Variants in ZNF536 observed in about 807,000 individuals in gnomAD.
ZNF536 encodes the protein zinc finger protein 536.
ZNF536 carries 13 observed loss-of-function variants against 84.5 expected under a neutral mutation model. That is an observed-to-expected ratio of 0.15 (90% CI 0.10 to 0.24). ZNF536 has a LOEUF of 0.24. Ranked by LOEUF, ZNF536 falls within the 10% of genes least tolerant of loss-of-function variation. ZNF536 has a pLI of 1.00. For synonymous variants in ZNF536, 811 were observed against 742.5 expected, an observed-to-expected ratio of 1.09 and a Z score of -1.50; for missense variants, 1,536 against 1,747.5, an observed-to-expected ratio of 0.88 and a Z score of 2.16.
intron 1 of ZNF536, among the ~76,000 whole-genome samples, chr19:30,622,656 T>C (rs1401375435): frequency 5.9e-5 from 9 of 152,248 alleles, no homozygotes; most frequent in African/African-American, 1.9e-4. Flanking sequence ...ATGCTTTTTA[T>C]ATATGTTGTT....
chr19:30,581,729 A>C (rs1483080137), intron 1 of ZNF536, among the ~76,000 whole-genome samples: 1 of 151,980 alleles, frequency 6.6e-6, no homozygotes, highest in African/African-American at 2.4e-5. Flanking sequence ...CGAGGTCAGG[A>C]GTTCAAGACC....
intron 1 of ZNF536, among the ~76,000 whole-genome samples, chr19:30,395,773 G>C (rs2049791077): frequency 6.6e-6 from 1 of 152,104 alleles, no homozygotes; most frequent in East Asian, 1.9e-4. Context: ...GCTTTGTTTT[G>C]AATATAAGAC....
chr19:30,526,380 G>A (rs142340154), intron 2 of ZNF536, among the ~76,000 whole-genome samples: 103 of 152,334 alleles, frequency 6.8e-4, no homozygotes, highest in African/African-American at 2.4e-3. Context: ...GAGACCCCAT[G>A]GGTGGCCTAA....
At chr19:30,660,610 CTTAA>C (rs747173150) in intron 1 of ZNF536, among the ~76,000 whole-genome samples, 41 of 152,330 alleles carry the variant, frequency 2.7e-4, no homozygotes, top group East Asian at 1.2e-3. Flanking sequence ...CTGAAGAGCA[CTTAA>C]TTGTTACTGA....
upstream of ZNF536, among the ~76,000 whole-genome samples, chr19:30,368,833 G>A (rs562520492): frequency 8.6e-4 from 131 of 152,292 alleles, 1 homozygote; most frequent in African/African-American, 2.0e-3. Flanking sequence ...CAGCTGCTCC[G>A]CTTGCTTGGT....
At chr19:30,647,204 CT>C (rs1267938480) in intron 1 of ZNF536, among the ~76,000 whole-genome samples, 1 of 152,198 alleles carries the variant, frequency 6.6e-6, no homozygotes, top group African/African-American at 2.4e-5. Context: ...TAAATCATAA[CT>C]TTCCCTATTT....
intron 1 of ZNF536, among the ~76,000 whole-genome samples, chr19:30,646,697 G>A (rs773261065): frequency 1.3e-5 from 2 of 152,136 alleles, no homozygotes; most frequent in East Asian, 1.9e-4. Flanking sequence ...TCGCAGTCTC[G>A]TAGTATTTGA....
intron 2 of ZNF536, among the ~76,000 whole-genome samples, chr19:30,481,067 G>A (rs919797553): frequency 6.6e-6 from 1 of 150,538 alleles, no homozygotes; most frequent in Non-Finnish European, 1.5e-5. Flanking sequence ...GGGCTTTTTA[G>A]CTGCCCTTAA....
At position 30,231,702 on chromosome 19, in the gene ZNF536, T is replaced by A. The variant is rs866265845; in HGVS notation, c.-190+3029T>A. Among the ~76,000 whole-genome samples, 5 of 152,278 alleles carry A rather than the reference T, an allele frequency of 3.3e-5. 1 individual carries two copies. In the Middle Eastern group the frequency reaches 0.017, roughly 518 times the overall value. On this transcript the variant is annotated intron_variant, in intron 1 of 5. Coordinates refer to the ZNF536 transcript ENST00000585628. The stretch of plus-strand genomic sequence containing the variant: ...TGCCGTGATGGTCCCCTTGGTGGCA[T>A]TGAACGTCCTTAGAGGAGTGAGCAG...
intron 2 of ZNF536, among the ~76,000 whole-genome samples, chr19:30,352,195 G>A (rs1446735621): frequency 2.0e-5 from 3 of 152,176 alleles, no homozygotes; most frequent in Admixed American, 6.5e-5. Flanking sequence ...CTTGTCTACA[G>A]CACGTCACCG....
chr19:30,572,722 G>T (rs1054251619), intron 1 of ZNF536, among the ~76,000 whole-genome samples: 3 of 152,134 alleles, frequency 2.0e-5, no homozygotes, highest in African/African-American at 7.2e-5. Flanking sequence ...TTCGGCATAG[G>T]ATGAGTGATA....
intron 1 of ZNF536, among the ~76,000 whole-genome samples, chr19:30,653,029 T>C (rs1304097120): frequency 6.6e-6 from 1 of 152,188 alleles, no homozygotes; most frequent in East Asian, 1.9e-4. Context: ...ATTTCTAGCC[T>C]AGTAAGGTTG....
intron 1 of ZNF536, among the ~76,000 whole-genome samples, chr19:30,254,187 C>T (rs774870117): frequency 6.6e-6 from 1 of 152,124 alleles, no homozygotes; most frequent in South Asian, 2.1e-4. Context: ...ATATATGCTC[C>T]ATGTCAGAAT....
At chr19:30,403,165 T>G (rs1343996491) in intron 1 of ZNF536, among the ~76,000 whole-genome samples, 1 of 152,150 alleles carries the variant, frequency 6.6e-6, no homozygotes, top group South Asian at 2.1e-4. Flanking sequence ...TAACATATTG[T>G]TAGTCCCAGC....
intron 1 of ZNF536, among the ~76,000 whole-genome samples, chr19:30,273,104 G>C (rs2025943400): frequency 6.6e-6 from 1 of 152,110 alleles, no homozygotes; most frequent in African/African-American, 2.4e-5. Context: ...GTCTCACTAT[G>C]CTGCTGAGAA....
At chr19:30,528,598 G>C (rs937895949) in intron 2 of ZNF536, among the ~76,000 whole-genome samples, 2 of 152,132 alleles carry the variant, frequency 1.3e-5, no homozygotes, top group Non-Finnish European at 2.9e-5. Flanking sequence ...TGGGTCAGCT[G>C]TCATCCATCT....
chr19:30,234,040 G>A (rs1326448601), intron 1 of ZNF536, among the ~76,000 whole-genome samples: 1 of 152,228 alleles, frequency 6.6e-6, no homozygotes, highest in East Asian at 1.9e-4. Flanking sequence ...CAATGTTGAT[G>A]CTTCAAATGC....
At chr19:30,560,151 A>G (rs1317309215), downstream of ZNF536, among the ~76,000 whole-genome samples, 1 of 151,978 alleles carries the variant, frequency 6.6e-6, no homozygotes, top group Non-Finnish European at 1.5e-5. Flanking sequence ...GGGTGGATTC[A>G]GTTCTGTGGA....
At chr19:30,624,145 T>C (rs2048590587) in intron 1 of ZNF536, among the ~76,000 whole-genome samples, 1 of 152,156 alleles carries the variant, frequency 6.6e-6, no homozygotes, top group South Asian at 2.1e-4. Context: ...AATAGCATAG[T>C]AGTCAGGTGG....
Sources: gnomAD v4.1 joint callset for allele counts (sites outside exome capture counted in the v4.1 genomes callset) on GRCh38, gnomAD v4.1.1 for gene constraint, MANE v1.5 for transcripts, NCBI Gene and HGNC (gene_info 2026-07-23, HGNC 2026-07-21) for gene names.